The following PIP4K2A variants were observed in gnomAD, a reference collection of about 807,000 sequenced individuals.
The protein encoded by PIP4K2A is phosphatidylinositol 5-phosphate 4-kinase type-2 alpha.
Under a neutral mutation model 42.9 loss-of-function variants are expected in PIP4K2A, and 14 were observed. The observed-to-expected ratio is 0.33, with a 90% CI of 0.22 to 0.51. The LOEUF (loss-of-function observed/expected upper bound fraction) is 0.51. Among genes scored for constraint, PIP4K2A ranks in the 20% least tolerant of loss-of-function variants. The pLI is 0.97. For missense variants in PIP4K2A, 434 were observed against 519.8 expected, an observed-to-expected ratio of 0.83 and a Z score of 1.61; for synonymous variants, 192 against 192.2, an observed-to-expected ratio of 1.00 and a Z score of 0.01.
chr10:22,615,275 T>A (rs1274739833), intron 1 of PIP4K2A, among the ~76,000 whole-genome samples: 1 of 152,192 alleles, frequency 6.6e-6, no homozygotes, highest in East Asian at 1.9e-4. Context: ...ATGGCTAATT[T>A]TAAAAATTTT....
chr10:22,669,443 C>T (rs1473066804), intron 1 of PIP4K2A, among the ~76,000 whole-genome samples: 3 of 151,986 alleles, frequency 2.0e-5, no homozygotes, highest in African/African-American at 4.8e-5. Flanking sequence ...TTAAGCAACA[C>T]ATGACTATGC....
chr10:22,654,250 A>C (rs928347416), intron 1 of PIP4K2A, among the ~76,000 whole-genome samples: 4 of 152,224 alleles, frequency 2.6e-5, no homozygotes, highest in Non-Finnish European at 5.9e-5. Flanking sequence ...TCAAGGTTGA[A>C]TTATTTTATT....
chr10:22,560,823 T>C (rs909373979), intron 6 of PIP4K2A, among the ~76,000 whole-genome samples: 7 of 152,208 alleles, frequency 4.6e-5, no homozygotes, highest in African/African-American at 9.7e-5. Flanking sequence ...AAATGCATAT[T>C]TGTGTAAATC....
At chr10:22,658,901 G>C (rs1044841744) in intron 1 of PIP4K2A, among the ~76,000 whole-genome samples, 51 of 152,226 alleles carry the variant, frequency 3.4e-4, no homozygotes, top group African/African-American at 1.2e-3. Context: ...ATGACTATCA[G>C]ATGACAAAGC....
At chr10:22,664,120 T>TATATATATACATATATATATAC (rs1839280643) in intron 1 of PIP4K2A, among the ~76,000 whole-genome samples, 1 of 69,628 alleles carries the variant, frequency 1.4e-5, no homozygotes, top group Non-Finnish European at 2.4e-5. Context: ...TATATACATA[T>TATATATATACATATATATATAC]ATATATATAC....
chr10:22,546,823 C>A (rs974834144), intron 7 of PIP4K2A, among the ~76,000 whole-genome samples: 2 of 152,108 alleles, frequency 1.3e-5, no homozygotes, highest in Admixed American at 1.3e-4. Flanking sequence ...AGAAAGGGGG[C>A]GTGGGCTTCA....
At chr10:22,631,857 G>A (rs1019892901) in intron 1 of PIP4K2A, among the ~76,000 whole-genome samples, 2 of 152,098 alleles carry the variant, frequency 1.3e-5, no homozygotes, top group African/African-American at 2.4e-5. Flanking sequence ...AAGAACAAAG[G>A]GAAACAACAG....
At chr10:22,711,480 A>G (rs1027599994) in intron 1 of PIP4K2A, among the ~76,000 whole-genome samples, 1 of 152,264 alleles carries the variant, frequency 6.6e-6, no homozygotes, top group African/African-American at 2.4e-5. Flanking sequence ...AAATCCTAGT[A>G]TAACACTGTG....
At chr10:22,577,338 T>A (rs1174598314) in intron 4 of PIP4K2A, among the ~76,000 whole-genome samples, 2 of 151,914 alleles carry the variant, frequency 1.3e-5, no homozygotes, top group Non-Finnish European at 2.9e-5. Flanking sequence ...TGCAATGTGA[T>A]CCCCAATGTT....
chr10:22,591,149 C>G (rs575615760), intron 4 of PIP4K2A, among the ~76,000 whole-genome samples: 3 of 152,316 alleles, frequency 2.0e-5, no homozygotes, highest in African/African-American at 7.2e-5. Flanking sequence ...AGAAGCAGAC[C>G]AACACCCACC....
chr10:22,685,534 A>AC (rs1052652881), intron 1 of PIP4K2A, among the ~76,000 whole-genome samples: 12 of 151,758 alleles, frequency 7.9e-5, no homozygotes, highest in South Asian at 4.2e-4. Flanking sequence ...TTTTCTATAA[A>AC]AAACAAACAA....
At chr10:22,616,143 G>A (rs1203394985) in intron 1 of PIP4K2A, among the ~76,000 whole-genome samples, 6 of 152,186 alleles carry the variant, frequency 3.9e-5, no homozygotes, top group Admixed American at 3.3e-4. Flanking sequence ...CTAGTGCAGA[G>A]CGCCAAAATG....
chr10:22,668,620 T>G lies in PIP4K2A; in HGVS notation c.144+45563A>C, dbSNP rs75311942. Among the ~76,000 whole-genome samples the G allele has an allele frequency of 8.2e-3, 1,255 of 152,338 alleles. 11 individuals are homozygous for G. Among genetic ancestry groups the G allele is most frequent in the African/African-American group, 0.029 (1,193 of 41,574 alleles). Reference sequence around the variant, plus strand: ...AATGCATTTTCCTGAAAATTCAATGTTATAAATAGAAGCTGGTTTTCTGAA... The same window carrying G: ...AATGCATTTTCCTGAAAATTCAATGGTATAAATAGAAGCTGGTTTTCTGAA... On this transcript the variant is annotated intron_variant, in intron 1 of 9. Transcript: ENST00000376573.
At chr10:22,631,960 G>A (rs1015355926) in intron 1 of PIP4K2A, among the ~76,000 whole-genome samples, 3 of 152,158 alleles carry the variant, frequency 2.0e-5, no homozygotes, top group South Asian at 2.1e-4. Flanking sequence ...GACATCACGC[G>A]CCTTCTGATA....
chr10:22,609,137 A>G (rs918806067), intron 2 of PIP4K2A, among the ~76,000 whole-genome samples: 1 of 152,234 alleles, frequency 6.6e-6, no homozygotes, highest in Non-Finnish European at 1.5e-5. Context: ...CACCTAACAT[A>G]TAATAGGTGC....
intron 1 of PIP4K2A, among the ~76,000 whole-genome samples, chr10:22,626,326 G>A (rs1421472321): frequency 6.6e-6 from 1 of 151,966 alleles, no homozygotes; most frequent in African/African-American, 2.4e-5. Flanking sequence ...ATGTTTTCCT[G>A]GTGAGTTATG....
chr10:22,606,146 A>AAC (rs1837902576), intron 3 of PIP4K2A, among the ~76,000 whole-genome samples: 1 of 96,804 alleles, frequency 1.0e-5, no homozygotes, highest in African/African-American at 3.1e-5. Context: ...AATCTCTACC[A>AAC]AAAAAAAAAA....
chr10:22,714,216 C>G lies in PIP4K2A; in HGVS notation c.111G>C (p.Leu37=), dbSNP rs766822678. The part of the protein sequence containing the change: ...KVKLFRASDP[L]LSVLMWGVNH... ...TTACCCCCCACATGAGGACGCTGAG[C>G]AGCGGGTCGCTGGCCCGAAACAGCT... The change falls in exon 1 of 10, where the codon CTG becomes CTC. Residue 37 remains leucine, a synonymous_variant. Transcript: ENST00000376573. 3.1e-6 allele frequency: 5 copies of G among 1,611,832 alleles called. No homozygotes were observed. Among genetic ancestry groups the G allele is most frequent in the African/African-American group, 2.7e-5 (2 of 74,798 alleles).
rs114155751 is a variant in PIP4K2A at position 22,562,261 on chromosome 10, C to T, written c.678+5590G>A. On this transcript the variant is annotated intron_variant, in intron 6 of 9. Coordinates refer to ENST00000376573, the MANE Select transcript of PIP4K2A (RefSeq NM_005028.5). ...CAAACAAACAATGTTTTTAAGAGTT[C>T]GGCTTGGCCGGGCGCGGTGGCTAAT... Among the ~76,000 whole-genome samples, 787 of 152,210 alleles carry T rather than the reference C, an allele frequency of 5.2e-3. 9 individuals are homozygous for T. The highest frequency in any genetic ancestry group is 0.017 in the African/African-American group (709 of 41,536).
Sources: gnomAD v4.1 joint callset for allele counts (sites outside exome capture counted in the v4.1 genomes callset) on GRCh38, gnomAD v4.1.1 for gene constraint, MANE v1.5 for transcripts, NCBI Gene and HGNC (gene_info 2026-07-23, HGNC 2026-07-21) for gene names.